The following SPATA31D1 variants were observed in gnomAD, a reference collection of about 807,000 sequenced individuals.
SPATA31D1 encodes the protein SPATA31 subfamily D member 1.
SPATA31D1 carries 6 observed loss-of-function variants against 13.2 expected under a neutral mutation model. The ratio of observed to expected loss-of-function variants is 0.46; its 90% CI spans 0.25 to 0.90. The LOEUF (loss-of-function observed/expected upper bound fraction) is 0.90. SPATA31D1 is among the 40% of genes least tolerant of loss of function. The pLI is 0.18. For synonymous variants in SPATA31D1, 903 were observed against 718.8 expected, an observed-to-expected ratio of 1.26 and a Z score of -4.10; for missense variants, 2,445 against 1,884.7, an observed-to-expected ratio of 1.30 and a Z score of -5.50.
chr9:81,987,709 C>G (rs1179889066), upstream of SPATA31D1, among the ~76,000 whole-genome samples: 1 of 151,938 alleles, frequency 6.6e-6, no homozygotes, highest in Non-Finnish European at 1.5e-5. Context: ...TTAAATAATG[C>G]ATTATTAGTG....
Position 81,994,966 on chromosome 9 carries a change from C to T in SPATA31D1, c.4496C>T (p.Pro1499Leu). Residue 1499 changes from proline (P) to leucine (L), a missense_variant, in exon 4 of 4, where the codon CCC (proline) becomes CTC (leucine). Transcript: ENST00000344803. ...CAGATCATAGACAAGGACAGACAGC[C>T]CCAGAAAGTTGAGGCATTTAAGGGG... ...IRQIIDKDRQ[P>L]QKVEAFKGKI... 6.2e-7 allele frequency: 1 copy of T among 1,613,896 alleles called. No individual in the cohort carries two copies. Among genetic ancestry groups the T allele is most frequent in the Non-Finnish European group, 8.5e-7 (1 of 1,179,844 alleles).
Position 81,993,138 on chromosome 9 carries a change from C to T in SPATA31D1, c.2668C>T (p.Gln890Ter). 1.9e-6 allele frequency: 3 copies of T among 1,613,974 alleles called. No individual in the cohort carries two copies. Among genetic ancestry groups the T allele is most frequent in the South Asian group, 2.2e-5 (2 of 91,080 alleles). ...TGAGGACCACTGCGTTGATACTTCC[C>T]AGGAAATTTCCTTCCTTAGTTCCAA... is the stretch of plus-strand genomic sequence containing the variant. ...VSEDHCVDTS[Q>*]EISFLSSNKQ... The change falls in exon 4 of 4, where the codon CAG becomes TAG. Residue 890 changes from glutamine (Q) to a stop codon, truncating the protein, a stop_gained. Transcript: ENST00000344803. LOFTEE classifies it low-confidence loss of function (END_TRUNC).
Position 81,992,893 on chromosome 9 carries a change from A to G in SPATA31D1, c.2423A>G (p.His808Arg), listed in dbSNP as rs745324500. ...AACTCTGAGAGAGACCTAGAAACTC[A>G]TATGATGCATCTGTCAGGGAATGAC... is the stretch of plus-strand genomic sequence containing the variant. ...RSNSERDLET[H>R]MMHLSGNDSG... Residue 808 changes from histidine to arginine, a missense_variant, in exon 4 of 4, where the codon CAT becomes CGT. Transcript: ENST00000344803. 27 of 1,613,694 alleles carry G rather than the reference A, an allele frequency of 1.7e-5. No individual in the cohort carries two copies. In the East Asian group the frequency reaches 4.9e-4, roughly 29 times the overall value.
In SPATA31D1 at chr9:81,993,799, G is replaced by A. The variant is rs1159929342; in HGVS notation, c.3329G>A (p.Arg1110Lys). ...VSQKQTVLASRCSAELPIMQA... is the reference protein window; with the variant it reads ...VSQKQTVLASKCSAELPIMQA... ...CAGAAACAGACTGTACTGGCCAGTA[G>A]ATGCAGCGCAGAGCTGCCCATAATG... The change falls in exon 4 of 4, where the codon AGA becomes AAA. Residue 1110 changes from arginine to lysine, a missense_variant. By Grantham distance (26) the Arg-to-Lys change is conservative. Coordinates refer to ENST00000344803, the MANE Select transcript of SPATA31D1 (RefSeq NM_001001670.3). 2.5e-6 allele frequency: 4 copies of A among 1,614,046 alleles called. No homozygotes were observed. Among genetic ancestry groups the A allele is most frequent in the Non-Finnish European group, 3.4e-6 (4 of 1,179,900 alleles).
Position 81,994,755 on chromosome 9 carries a change from CA to C in SPATA31D1, c.4287del (p.Glu1430SerfsTer39). ...GCATGGGATAGATATCACCTGTCCC[CA>C]AGAGCCCCTTTCCTTCCCAGTGGGG... ...HRHGIDITCPQEPLSFPVGLG... is the reference protein window; with the variant it reads ...HRHGIDITCPXEPLSFPVGLG... On this transcript the variant is annotated frameshift_variant, in exon 4 of 4. Transcript: ENST00000344803. LOFTEE classifies it low-confidence loss of function (END_TRUNC). The C allele has an allele frequency of 1.2e-6, 2 of 1,613,930 alleles. No individual in the cohort carries two copies. Among genetic ancestry groups the C allele is most frequent in the Non-Finnish European group, 1.7e-6 (2 of 1,179,878 alleles).
chr9:81,994,644 A>G lies in SPATA31D1; in HGVS notation c.4174A>G (p.Ile1392Val), dbSNP rs376356216. 1 of 1,613,396 alleles carries G rather than the reference A, an allele frequency of 6.2e-7. No individual in the cohort carries two copies. The highest frequency in any genetic ancestry group is 1.3e-5 in the African/African-American group (1 of 75,056). ...ATGTGTGCAGAATATTGGTCGAGTT[A>G]TAAGAGCTGCCTTTACTGGGACTAC... ...SSCVQNIGRV[I>V]RAAFTGTTEA... Residue 1392 changes from isoleucine to valine, a missense_variant, in exon 4 of 4, where the codon ATA (isoleucine) becomes GTA (valine). By Grantham distance (29) the Ile-to-Val change is conservative (BLOSUM62 3). Transcript: ENST00000344803.
At position 81,994,058 on chromosome 9, in the gene SPATA31D1, A is replaced by G. The variant is rs748233623; in HGVS notation, c.3588A>G (p.Lys1196=). The part of the protein sequence containing the change: ...PPRISVPQDP[K]SSYLKNQMLS... ...GAATATCAGTTCCTCAAGATCCTAA[A>G]TCATCATACCTTAAAAATCAGATGT... Residue 1196 remains lysine (K), a synonymous_variant, in exon 4 of 4, where the codon AAA becomes AAG. Coordinates refer to ENST00000344803, the MANE Select transcript of SPATA31D1 (RefSeq NM_001001670.3). 9 of 1,613,716 alleles carry G rather than the reference A, an allele frequency of 5.6e-6. No individual in the cohort carries two copies. Among genetic ancestry groups the G allele is most frequent in the Non-Finnish European group, 7.6e-6 (9 of 1,179,776 alleles).
Position 81,991,319 on chromosome 9 carries a change from G to C in SPATA31D1, c.849G>C (p.Ser283=), listed in dbSNP as rs568845059. 63 of 1,613,926 alleles carry C rather than the reference G, an allele frequency of 3.9e-5. No homozygotes were observed. The East Asian group carries it at 6.5e-4, about 17-fold the overall frequency. The change falls in exon 4 of 4, where the codon TCG becomes TCC. Residue 283 remains serine, a synonymous_variant. Transcript: ENST00000344803. ...GCTCCACCCTATGCCAAGATATTTC[G>C]CAGGCCATGAATCCCATTGATTCTT... is the stretch of plus-strand genomic sequence containing the variant. ...SFGSTLCQDI[S]QAMNPIDSCA...
Position 81,992,182 on chromosome 9 carries a change from A to C in SPATA31D1, c.1712A>C (p.Gln571Pro). The stretch of plus-strand genomic sequence containing the variant: ...TTGCCTCAAACCCTGCCCCAAGGTC[A>C]GTCCCCACATCTCACTCAGGTGAAG... ...LPLPQTLPQG[Q>P]SPHLTQVKSL... Residue 571 changes from glutamine to proline, a missense_variant, in exon 4 of 4, where the codon CAG (glutamine) becomes CCG (proline). Transcript: ENST00000344803. 1.2e-6 allele frequency: 2 copies of C among 1,613,748 alleles called. No homozygotes were observed. The highest frequency in any genetic ancestry group is 1.7e-6 in the Non-Finnish European group (2 of 1,179,718).
At position 81,993,305 on chromosome 9, in the gene SPATA31D1, C is replaced by G. The variant is rs371198528; in HGVS notation, c.2835C>G (p.Pro945=). The part of the protein sequence containing the change: ...LSTSFSHFDL[P]SSATFISQGD... ...CTTCCTTTTCCCATTTCGACCTTCC[C>G]TCCTCAGCCACCTTCATCTCTCAGG... The change falls in exon 4 of 4, where the codon CCC becomes CCG. Residue 945 remains proline (P), a synonymous_variant. Coordinates refer to ENST00000344803, the MANE Select transcript of SPATA31D1 (RefSeq NM_001001670.3). The G allele has an allele frequency of 6.8e-6, 11 of 1,613,860 alleles. No homozygotes were observed. In the African/African-American group the frequency reaches 1.3e-4, roughly 20 times the overall value.
rs1451499434 is a variant in SPATA31D1, at chr9:81,995,248, T to G, written c.*47T>G. ...TGATTCTCCCCAATAAATGTTCCAA[T>G]AAGAAGGATGTCTTTTCTGTGTATT... On this transcript the variant is annotated 3_prime_UTR_variant, in exon 4 of 4. Coordinates refer to ENST00000344803, the MANE Select transcript of SPATA31D1 (RefSeq NM_001001670.3). 3 of 1,446,230 alleles carry G rather than the reference T, an allele frequency of 2.1e-6. No homozygotes were observed. The highest frequency in any genetic ancestry group is 4.4e-4 in the Middle Eastern group (2 of 4,558). 89.6% of individuals were successfully genotyped at this position (1,446,230 alleles called of 1,614,324 possible).
rs1371426338 is a variant in SPATA31D1 at position 81,994,937 on chromosome 9, T to G, written c.4467T>G (p.Ile1489Met). ...TTGGCCAGAATTATCCTACAAGGAT[T>G]AGACAGATCATAGACAAGGACAGAC... ...IFVGQNYPTRIRQIIDKDRQP... is the reference protein window; with the variant it reads ...IFVGQNYPTRMRQIIDKDRQP... The change falls in exon 4 of 4, where the codon ATT (isoleucine) becomes ATG (methionine). Residue 1489 changes from isoleucine to methionine, a missense_variant. Transcript: ENST00000344803. 1 of 1,613,866 alleles carries G rather than the reference T, an allele frequency of 6.2e-7. No individual in the cohort carries two copies. Among genetic ancestry groups the G allele is most frequent in the Admixed American group, 1.7e-5 (1 of 60,012 alleles).
In SPATA31D1 at chr9:81,992,322, C is replaced by T. The variant is rs1282705191; in HGVS notation, c.1852C>T (p.Pro618Ser). ...RPQNEARSLLPSEINHLEWNV... is the reference protein window; with the variant it reads ...RPQNEARSLLSSEINHLEWNV... ...CCAGAACGAGGCACGGTCTCTTTTG[C>T]CATCTGAAATTAACCATCTGGAGTG... Residue 618 changes from proline to serine, a missense_variant, in exon 4 of 4, where the codon CCA (proline) becomes TCA (serine). Physicochemically the swap from Pro to Ser is moderately conservative, Grantham distance 74. Coordinates refer to ENST00000344803, the MANE Select transcript of SPATA31D1 (RefSeq NM_001001670.3). 1.2e-6 allele frequency: 2 copies of T among 1,613,664 alleles called. No homozygotes were observed. The highest frequency in any genetic ancestry group is 1.1e-5 in the South Asian group (1 of 91,082).
In SPATA31D1 at chr9:81,992,232, T is replaced by C; in HGVS notation, c.1762T>C (p.Phe588Leu). The C allele has an allele frequency of 2.5e-6, 4 of 1,613,754 alleles. No individual in the cohort carries two copies. Among genetic ancestry groups the C allele is most frequent in the Non-Finnish European group, 3.4e-6 (4 of 1,179,718 alleles). ...GTCCCTGGCTCAACCTCAATCTCCA[T>C]TCCGAGCCCTACTACCTAGTCCTCT... The part of the protein sequence containing the change: ...VKSLAQPQSP[F>L]RALLPSPLFL... Residue 588 changes from phenylalanine to leucine, a missense_variant, in exon 4 of 4, where the codon TTC (phenylalanine) becomes CTC (leucine). Phe to Leu is a conservative substitution (Grantham distance 22). Transcript: ENST00000344803.
Position 81,992,559 on chromosome 9 carries a change from C to T in SPATA31D1, c.2089C>T (p.Gln697Ter). ...LEQHIRRRLIQRRWGLPRRIH... is the reference protein window; with the variant it reads ...LEQHIRRRLI ...GCAACACATTCGAAGGAGGCTCATCCAGCGCAGATGGGGCCTGCCCCGCAG... is the reference window on the plus strand; with the variant it reads ...GCAACACATTCGAAGGAGGCTCATCTAGCGCAGATGGGGCCTGCCCCGCAG... Residue 697 changes from glutamine (Q) to a stop codon, truncating the protein, a stop_gained, in exon 4 of 4, where the codon CAG becomes TAG. Transcript: ENST00000344803. LOFTEE classifies it low-confidence loss of function (END_TRUNC). 1 of 1,612,014 alleles carries T rather than the reference C, an allele frequency of 6.2e-7. No homozygotes were observed. Among genetic ancestry groups the T allele is most frequent in the Non-Finnish European group, 8.5e-7 (1 of 1,179,726 alleles).
Position 81,994,929 on chromosome 9 carries a change from A to G in SPATA31D1, c.4459A>G (p.Thr1487Ala), listed in dbSNP as rs754983494. The change falls in exon 4 of 4, where the codon ACA becomes GCA. Residue 1487 changes from threonine (T) to alanine (A), a missense_variant. Physicochemically the swap from Thr to Ala is moderately conservative, Grantham distance 58 (BLOSUM62 0). Coordinates refer to ENST00000344803, the MANE Select transcript of SPATA31D1 (RefSeq NM_001001670.3). Reference sequence around the variant, plus strand: ...TATCTTTGTTGGCCAGAATTATCCTACAAGGATTAGACAGATCATAGACAA... The same window carrying G: ...TATCTTTGTTGGCCAGAATTATCCTGCAAGGATTAGACAGATCATAGACAA... ...QAIFVGQNYP[T>A]RIRQIIDKDR... 3 of 1,613,934 alleles carry G rather than the reference A, an allele frequency of 1.9e-6. No homozygotes were observed. The highest frequency in any genetic ancestry group is 2.7e-5 in the African/African-American group (2 of 75,022).
In SPATA31D1 at chr9:81,994,719, C is replaced by A; in HGVS notation, c.4249C>A (p.Leu1417Met). Residue 1417 changes from leucine to methionine, a missense_variant, in exon 4 of 4, where the codon CTG becomes ATG. By Grantham distance (15) the Leu-to-Met change is conservative. Transcript: ENST00000344803. ...KDTREFLEEKLGHRHGIDITC... is the reference protein window; with the variant it reads ...KDTREFLEEKMGHRHGIDITC... ...CACTAGGGAGTTCCTAGAAGAGAAG[C>A]TGGGGCATAGGCATGGGATAGATAT... 5 of 1,613,856 alleles carry A rather than the reference C, an allele frequency of 3.1e-6. No homozygotes were observed. The highest frequency in any genetic ancestry group is 4.2e-6 in the Non-Finnish European group (5 of 1,179,824).
At position 81,994,435 on chromosome 9, in the gene SPATA31D1, C is replaced by G. The variant is rs761594768; in HGVS notation, c.3965C>G (p.Pro1322Arg). 1 of 1,613,668 alleles carries G rather than the reference C, an allele frequency of 6.2e-7. No homozygotes were observed. Among genetic ancestry groups the G allele is most frequent in the Non-Finnish European group, 8.5e-7 (1 of 1,179,734 alleles). Residue 1322 changes from proline (P) to arginine (R), a missense_variant, in exon 4 of 4, where the codon CCT (proline) becomes CGT (arginine). Transcript: ENST00000344803. Reference protein sequence around the residue: ...GTSQRRRKSLPVHNKTSGEVL... With the variant: ...GTSQRRRKSLRVHNKTSGEVL... ...TCCCAACGCAGGAGAAAGAGCCTCC[C>G]TGTTCATAACAAGACATCAGGGGAG...
chr9:81,988,008 G>T (rs960175205), upstream of SPATA31D1, among the ~76,000 whole-genome samples: 3 of 152,206 alleles, frequency 2.0e-5, no homozygotes, highest in East Asian at 5.8e-4. Context: ...CTGTGCATGC[G>T]GAGGACTTAC....
Sources: gnomAD v4.1 joint callset for allele counts (sites outside exome capture counted in the v4.1 genomes callset) on GRCh38, gnomAD v4.1.1 for gene constraint, MANE v1.5 for transcripts, NCBI Gene and HGNC (gene_info 2026-07-23, HGNC 2026-07-21) for gene names.